KIDINS220: variants seen among roughly 807,000 people sequenced by gnomAD.
KIDINS220 encodes kinase D-interacting substrate of 220 kDa.
A neutral mutation model predicts 157.6 loss-of-function variants in KIDINS220; 63 were observed. That is an observed-to-expected ratio of 0.40 (90% CI 0.33 to 0.49). The LOEUF (loss-of-function observed/expected upper bound fraction) is 0.49, where lower values mean the gene tolerates loss of function less well. Among genes scored for constraint, KIDINS220 ranks in the 20% least tolerant of loss-of-function variants. The probability of loss-of-function intolerance (pLI) is 0.66; values close to 1 mark genes in which losing one functional copy is unlikely to be tolerated. For missense variants in KIDINS220, 1,772 were observed against 2,171.2 expected, an observed-to-expected ratio of 0.82 and a Z score of 3.65; for synonymous variants, 732 against 783.6, an observed-to-expected ratio of 0.93 and a Z score of 1.10.
chr2:8,776,670 C>A, intron 21 of KIDINS220, 78 bp downstream of exon 21: 1 of 1,304,384 alleles, frequency 7.7e-7, no homozygotes, highest in Admixed American at 1.9e-5. Flanking sequence ...ACAATACATA[C>A]CTTTGTTTCT....
At chr2:8,791,426 T>C (rs1673168485) in intron 12 of KIDINS220, among the ~76,000 whole-genome samples, 1 of 152,258 alleles carries the variant, frequency 6.6e-6, no homozygotes, top group South Asian at 2.1e-4. Context: ...CTTAAATTAC[T>C]ATCGTATTTC....
At chr2:8,755,461 C>A (rs1208357441) in intron 22 of KIDINS220, among the ~76,000 whole-genome samples, 1 of 152,208 alleles carries the variant, frequency 6.6e-6, no homozygotes, top group Non-Finnish European at 1.5e-5. Flanking sequence ...GTGGCCTGCA[C>A]AGAATACTGT....
intron 1 of KIDINS220, among the ~76,000 whole-genome samples, chr2:8,833,617 T>C (rs1481170027): frequency 6.6e-6 from 1 of 152,172 alleles, no homozygotes; most frequent in Non-Finnish European, 1.5e-5. Context: ...ACCCAACACT[T>C]AGCTTAATAG....
At chr2:8,781,566 A>G (rs1023920617) in intron 17 of KIDINS220, among the ~76,000 whole-genome samples, 1 of 152,202 alleles carries the variant, frequency 6.6e-6, no homozygotes, top group Admixed American at 6.5e-5. Flanking sequence ...CATGCATACA[A>G]TGTCTTCCCC....
chr2:8,816,069 CTCAGTTTCCCCAACTT>C (rs1358770188), intron 4 of KIDINS220, among the ~76,000 whole-genome samples: 1 of 152,230 alleles, frequency 6.6e-6, no homozygotes, highest in African/African-American at 2.4e-5. Context: ...AGACATGGTC[CTCAGTTTCCCCAACTT>C]TCAGTGTTTT....
At chr2:8,750,078 T>C (rs1667121524) in intron 24 of KIDINS220, 34 bp downstream of exon 24, 1 of 1,573,310 alleles carries the variant, frequency 6.4e-7, no homozygotes, top group Non-Finnish European at 8.7e-7. Flanking sequence ...CTGTAACAAA[T>C]TCTTAAAAAT....
intron 1 of KIDINS220, among the ~76,000 whole-genome samples, chr2:8,833,757 T>C (rs1435018292): frequency 1.3e-5 from 2 of 152,186 alleles, no homozygotes; most frequent in African/African-American, 4.8e-5. Context: ...AAAATTAATG[T>C]CTTGCCACCC....
chr2:8,770,041 T>C (rs927643612), intron 22 of KIDINS220, among the ~76,000 whole-genome samples: 3 of 152,032 alleles, frequency 2.0e-5, no homozygotes, highest in African/African-American at 7.2e-5. Context: ...ACTAGAAAAA[T>C]AGGAAAACCA....
intron 1 of KIDINS220, among the ~76,000 whole-genome samples, chr2:8,831,915 C>T (rs915950686): frequency 7.2e-5 from 11 of 152,230 alleles, no homozygotes; most frequent in African/African-American, 2.7e-4. Flanking sequence ...AAAACATGAA[C>T]ATCACCCAAA....
intron 26 of KIDINS220, among the ~76,000 whole-genome samples, chr2:8,744,363 CA>C (rs547083543): frequency 2.4e-3 from 22 of 9,324 alleles, no homozygotes; most frequent in Non-Finnish European, 2.6e-3. Context: ...TTCCTCATGG[CA>C]AAAAAAAAAA....
Position 8,806,309 on chromosome 2 carries a change from A to C in KIDINS220, c.565T>G (p.Leu189Val). Reference sequence around the variant, plus strand: ...TCCACATCAGCTCCCATGGCCAATAAATGTTTCACACATTCCAAATGACCC... The same window carrying C: ...TCCACATCAGCTCCCATGGCCAATACATGTTTCACACATTCCAAATGACCC... ...RKGHLECVKH[L>V]LAMGADVDQE... The change falls in exon 7 of 30, where the codon TTA (leucine) becomes GTA (valine). Residue 189 changes from leucine to valine, a missense_variant. Around this residue, in one of 3 missense-constraint regions of KIDINS220, gnomAD observed 254 missense variants for 268.6 expected, o/e 0.95. Transcript: ENST00000256707. The C allele has an allele frequency of 6.2e-7, 1 of 1,611,160 alleles. No individual in the cohort carries two copies. Among genetic ancestry groups the C allele is most frequent in the Non-Finnish European group, 8.5e-7 (1 of 1,178,294 alleles).
At chr2:8,833,465 T>C (rs1679942096) in intron 1 of KIDINS220, among the ~76,000 whole-genome samples, 1 of 142,988 alleles carries the variant, frequency 7.0e-6, no homozygotes, top group South Asian at 2.2e-4. Flanking sequence ...CATATTTATG[T>C]TTTTTAAATT....
At chr2:8,736,743 A>G (rs1392811535) in intron 27 of KIDINS220, 125 bp downstream of exon 27, 2 of 1,030,712 alleles carry the variant, frequency 1.9e-6, no homozygotes, top group East Asian at 2.4e-5. Context: ...TTTTCCATTT[A>G]GAGCTTTCCC....
Position 8,791,179 on chromosome 2 carries a change from TCATATC to T in KIDINS220, c.1316_1321del (p.Gly439_Tyr440del). The T allele has an allele frequency of 6.2e-7, 1 of 1,614,030 alleles. No homozygotes were observed. The highest frequency in any genetic ancestry group is 8.5e-7 in the Non-Finnish European group (1 of 1,179,918). On this transcript the variant is annotated inframe_deletion, in exon 13 of 30. Transcript: ENST00000256707. Reference sequence around the variant, plus strand: ...ATCTGCCAGGGCACTGCTATATAAATCATATCCAAGCATGTCACCGTCTGTTTCAGT... The same window carrying T: ...ATCTGCCAGGGCACTGCTATATAAATCAAGCATGTCACCGTCTGTTTCAGT...
At chr2:8,802,148 GT>G (rs1237379122) in intron 8 of KIDINS220, among the ~76,000 whole-genome samples, 1 of 152,172 alleles carries the variant, frequency 6.6e-6, no homozygotes, top group Non-Finnish European at 1.5e-5. Context: ...GGGGAGAGAG[GT>G]TGGGCAAAGA....
At chr2:8,788,274 T>G (rs1021494307) in intron 15 of KIDINS220, among the ~76,000 whole-genome samples, 3 of 151,076 alleles carry the variant, frequency 2.0e-5, no homozygotes. Flanking sequence ...CTATAAACTT[T>G]TTTTTTTTTT....
intron 22 of KIDINS220, 48 bp downstream of exon 22, chr2:8,770,622 T>A (rs745729417): frequency 1.0e-5 from 11 of 1,076,230 alleles, no homozygotes; most frequent in South Asian, 3.5e-5. Context: ...TTTTTTTTTT[T>A]AACTCAACCT....
rs1416573926 is a variant in KIDINS220 at position 8,825,432 on chromosome 2, C to T, written c.108+1554G>A. ...CCCAACAATGGAGAAATACTTAATA[C>T]TCCTAAACTGTATCCTTAAAAATGG... On this transcript the variant is annotated intron_variant, in intron 2 of 29. Coordinates refer to ENST00000256707, the MANE Select transcript of KIDINS220 (RefSeq NM_020738.4). Among the ~76,000 whole-genome samples, 3 of 147,878 alleles carry T rather than the reference C, an allele frequency of 2.0e-5. No individual in the cohort carries two copies. The East Asian group carries it at 5.9e-4, about 29-fold the overall frequency.
chr2:8,736,644 T>C (rs79355887), intron 27 of KIDINS220, among the ~76,000 whole-genome samples: 2,887 of 152,328 alleles, frequency 0.019, 35 homozygotes, highest in Non-Finnish European at 0.027. Context: ...AAAAAGAACA[T>C]GGTAAGACAG....
Sources: gnomAD v4.1 joint callset for allele counts (sites outside exome capture counted in the v4.1 genomes callset) on GRCh38, gnomAD v4.1.1 for gene constraint, gnomAD v4.1.1 regional missense constraint, MANE v1.5 for transcripts, NCBI Gene and HGNC (gene_info 2026-07-23, HGNC 2026-07-21) for gene names.